INO80: variants seen among roughly 807,000 people sequenced by gnomAD.
INO80 encodes the protein chromatin-remodeling ATPase INO80.
INO80 carries 20 observed loss-of-function variants against 203.4 expected under a neutral mutation model. That is an observed-to-expected ratio of 0.10 (90% CI 0.07 to 0.14). INO80 has a LOEUF of 0.14. INO80 is among the 10% of genes least tolerant of loss of function. INO80 has a pLI of 1.00. For missense variants in INO80, 1,419 were observed against 1,914.4 expected, an observed-to-expected ratio of 0.74 and a Z score of 4.83; for synonymous variants, 726 against 685.2, an observed-to-expected ratio of 1.06 and a Z score of -0.93.
rs1398669262 is a variant in INO80, at chr15:40,979,972, C to G, written c.*251G>C. 14 of 538,942 alleles carry G rather than the reference C, an allele frequency of 2.6e-5. No individual in the cohort carries two copies. 33.4% of individuals were successfully genotyped at this position (538,942 alleles called of 1,614,324 possible). On this transcript the variant is annotated 3_prime_UTR_variant, in exon 36 of 36. Coordinates refer to ENST00000648947, the MANE Select transcript of INO80 (RefSeq NM_017553.3). ...GTGAGAGGTTTAAGACTTGGCTATACAGTTCACTTGAGATGCAGTGGGGCT... is the reference window on the plus strand; with the variant it reads ...GTGAGAGGTTTAAGACTTGGCTATAGAGTTCACTTGAGATGCAGTGGGGCT...
intron 7 of INO80, among the ~76,000 whole-genome samples, chr15:41,083,978 C>G (rs1199569719): frequency 6.6e-6 from 1 of 151,914 alleles, no homozygotes; most frequent in Admixed American, 6.6e-5. Flanking sequence ...CCAATTCTTC[C>G]CCAGCTACTC....
chr15:40,998,527 C>T (rs991907356), intron 28 of INO80, among the ~76,000 whole-genome samples: 1 of 152,250 alleles, frequency 6.6e-6, no homozygotes, highest in East Asian at 1.9e-4. Context: ...CTTCTACTTC[C>T]TATGTTCTTT....
chr15:41,104,206 CAAA>C (rs35510472), intron 1 of INO80, among the ~76,000 whole-genome samples: 470 of 41,466 alleles, frequency 0.011, 2 homozygotes, highest in South Asian at 0.032. Context: ...AACTCCATCT[CAAA>C]AAAAAAAAAA....
chr15:41,004,042 GTAA>G (rs972340782), intron 28 of INO80, among the ~76,000 whole-genome samples: 5 of 152,208 alleles, frequency 3.3e-5, no homozygotes, highest in African/African-American at 1.2e-4. Context: ...AGATCACCCA[GTAA>G]TTTTTTTTCC....
chr15:41,061,188 T>G (rs746923790), intron 14 of INO80, among the ~76,000 whole-genome samples: 11 of 152,084 alleles, frequency 7.2e-5, no homozygotes, highest in Admixed American at 2.0e-4. Context: ...GCGCCTGCAG[T>G]CCCAGGAACT....
chr15:40,998,971 C>CT (rs780939866), intron 28 of INO80, among the ~76,000 whole-genome samples: 1 of 131,556 alleles, frequency 7.6e-6, no homozygotes, highest in African/African-American at 2.9e-5. Context: ...GCTTTTGACT[C>CT]TAAGATTTAT....
chr15:41,114,778 G>A (rs914425592), intron 1 of INO80, among the ~76,000 whole-genome samples: 7 of 151,368 alleles, frequency 4.6e-5, no homozygotes, highest in African/African-American at 1.7e-4. Flanking sequence ...AAAACACCAT[G>A]TTAAGTGAAA....
intron 25 of INO80, among the ~76,000 whole-genome samples, chr15:41,023,536 A>G (rs1415132338): frequency 6.6e-6 from 1 of 152,096 alleles, no homozygotes; most frequent in African/African-American, 2.4e-5. Context: ...TGGGAGGCCG[A>G]GGTGGGTGAA....
At chr15:41,038,530 T>A (rs775212984) in intron 24 of INO80, among the ~76,000 whole-genome samples, 5 of 152,186 alleles carry the variant, frequency 3.3e-5, no homozygotes, top group Admixed American at 6.5e-5. Context: ...GAGTTCTTAA[T>A]CTCACTCTTT....
intron 7 of INO80, among the ~76,000 whole-genome samples, chr15:41,085,052 C>A (rs2045539732): frequency 6.6e-6 from 1 of 152,142 alleles, no homozygotes; most frequent in Non-Finnish European, 1.5e-5. Flanking sequence ...TTAATTTTTT[C>A]TAATATCACC....
intron 22 of INO80, 23 bp downstream of exon 22, chr15:41,048,189 T>C (rs375952923): frequency 1.4e-5 from 22 of 1,587,828 alleles, no homozygotes; most frequent in Non-Finnish European, 1.7e-5. Context: ...CAAACCTACT[T>C]TCCCAAAGAT....
rs761329435 is a variant in INO80, at chr15:41,095,724, C to T, written c.313+35G>A. ...TTAAAGGATGACTGCCCCAAGATAA[C>T]GATAGTCCAAAGGGGGATGTCACAC... On this transcript the variant is annotated intron_variant, in intron 3 of 35. Coordinates refer to ENST00000648947, the MANE Select transcript of INO80 (RefSeq NM_017553.3). 45 of 1,611,450 alleles carry T rather than the reference C, an allele frequency of 2.8e-5. 1 individual carries two copies. In the Middle Eastern group the frequency reaches 5.0e-4, roughly 18 times the overall value.
intron 28 of INO80, among the ~76,000 whole-genome samples, chr15:40,998,657 GT>G (rs988995042): frequency 0.028 from 4,125 of 146,756 alleles, 165 homozygotes; most frequent in African/African-American, 0.096. Context: ...GACAAGTTTT[GT>G]TTTTTTTTTT....
chr15:41,022,227 G>A (rs752223304), intron 25 of INO80, among the ~76,000 whole-genome samples: 14 of 152,212 alleles, frequency 9.2e-5, no homozygotes, highest in Non-Finnish European at 1.5e-4. Context: ...GAGAAACAGC[G>A]TATGAGAAGC....
chr15:41,019,701 T>G (rs1336401799), intron 26 of INO80: 1 of 152,258 alleles, frequency 6.6e-6, no homozygotes, highest in Non-Finnish European at 1.5e-5. Context: ...GCATGTGCTT[T>G]AAGTCAGCTA....
At chr15:41,009,414 T>C (rs1337087012) in intron 27 of INO80, among the ~76,000 whole-genome samples, 2 of 128,014 alleles carry the variant, frequency 1.6e-5, no homozygotes, top group Non-Finnish European at 3.2e-5. Context: ...CCCAGAGTGT[T>C]ATGTTCCCCT....
At chr15:41,096,447 T>C in intron 1 of INO80, 94 bp from the exon 2 acceptor site, 1 of 831,712 alleles carries the variant, frequency 1.2e-6, no homozygotes, top group Non-Finnish European at 1.7e-6. Context: ...AAATCAGACC[T>C]TCTAGAACAC....
chr15:40,980,261 T>C lies in INO80; in HGVS notation c.4633A>G (p.Lys1545Glu). The C allele has an allele frequency of 3.7e-6, 6 of 1,613,282 alleles. No individual in the cohort carries two copies. The highest frequency in any genetic ancestry group is 5.1e-6 in the Non-Finnish European group (6 of 1,180,032). ...GAGGGGTTGGTGCCTTTGCCCTGTT[T>C]CCGGACCAGAGAGTCTGGGGCTAGG... is the stretch of plus-strand genomic sequence containing the variant. The part of the protein sequence containing the change: ...SSLAPDSLVR[K>E]QGKGTNPSGG... The change falls in exon 36 of 36, where the codon AAA (lysine) becomes GAA (glutamate). Residue 1545 changes from lysine to glutamate, a missense_variant. By Grantham distance (56) the Lys-to-Glu change is moderately conservative (BLOSUM62 1). Transcript: ENST00000648947.
At chr15:40,996,478 C>T (rs57405312) in intron 29 of INO80, among the ~76,000 whole-genome samples, 16,774 of 152,022 alleles carry the variant, frequency 0.11, 2,885 homozygotes, top group African/African-American at 0.37. Context: ...TGTGTCACCA[C>T]GCCCGGCTAT....
Sources: gnomAD v4.1 joint callset for allele counts (sites outside exome capture counted in the v4.1 genomes callset) on GRCh38, gnomAD v4.1.1 for gene constraint, MANE v1.5 for transcripts, NCBI Gene and HGNC (gene_info 2026-07-23, HGNC 2026-07-21) for gene names.